Variants in CENPW observed in about 807,000 individuals in gnomAD.
The protein encoded by CENPW is centromere protein W, also known as cancer-up-regulated gene 2 protein.
CENPW carries 3 observed loss-of-function variants against 11.1 expected under a neutral mutation model. The ratio of observed to expected loss-of-function variants is 0.27; its 90% confidence interval spans 0.12 to 0.70. CENPW has a LOEUF of 0.70. Ranked by LOEUF, CENPW falls within the 30% of genes least tolerant of loss-of-function variation. The pLI is 0.77. For synonymous variants in CENPW, 38 were observed against 42.0 expected (o/e 0.91, Z 0.37); for missense variants, 100 against 105.6 (o/e 0.95, Z 0.23).
chr6:126,471,136 C>G, the CENPW span, among the ~76,000 whole-genome samples: 3 of 152,068 alleles, frequency 2.0e-5, no homozygotes, highest in Non-Finnish European at 4.4e-5. Flanking sequence ...GGCTTTGTGT[C>G]CCTACCCAAA....
chr6:126,360,885 C>G, the CENPW span, among the ~76,000 whole-genome samples: 1 of 151,836 alleles, frequency 6.6e-6, no homozygotes, highest in African/African-American at 2.4e-5. Flanking sequence ...GCTTCTTTGC[C>G]ATCCAGATTC....
chr6:126,375,440 G>A, the CENPW span, among the ~76,000 whole-genome samples: 2 of 152,152 alleles, frequency 1.3e-5, no homozygotes, highest in African/African-American at 4.8e-5. Context: ...AGGAGCAGGG[G>A]TCAGAAAGAT....
the CENPW span, among the ~76,000 whole-genome samples, chr6:126,359,089 C>G: frequency 6.6e-6 from 1 of 151,852 alleles, no homozygotes; most frequent in Admixed American, 6.6e-5. Context: ...CCTCTTAACA[C>G]TGCTTTAGCT....
chr6:126,340,186 T>G lies in CENPW; in HGVS notation c.-88T>G. On this transcript the variant is annotated 5_prime_UTR_variant, in exon 1 of 3. Transcript: ENST00000368328. The stretch of plus-strand genomic sequence containing the variant: ...CTGAAGAAGCGTCATACGGACCGGA[T>G]TGTTTTCGCTGGCCCAGTGTCCCCG... 2 of 1,234,214 alleles carry G rather than the reference T, an allele frequency of 1.6e-6. No homozygotes were observed. The highest frequency in any genetic ancestry group is 2.3e-6 in the Non-Finnish European group (2 of 856,438). The allele number at this position is 1,234,214 out of a possible 1,614,324, so 76.5% of individuals were successfully genotyped here.
At chr6:126,358,326 G>A in the CENPW span, among the ~76,000 whole-genome samples, 1 of 152,166 alleles carries the variant, frequency 6.6e-6, no homozygotes, top group South Asian at 2.1e-4. Flanking sequence ...TATTCAGTAT[G>A]ATGTTGGCTA....
the CENPW span, among the ~76,000 whole-genome samples, chr6:126,359,753 T>A: frequency 6.6e-6 from 1 of 151,746 alleles, no homozygotes; most frequent in Non-Finnish European, 1.5e-5. Context: ...TGCTTTTTTC[T>A]TTTCTTTTTT....
the CENPW span, among the ~76,000 whole-genome samples, chr6:126,373,730 T>G: frequency 6.6e-6 from 1 of 152,168 alleles, no homozygotes; most frequent in African/African-American, 2.4e-5. Context: ...CCTGCACCTC[T>G]TACATTATGG....
the CENPW span, among the ~76,000 whole-genome samples, chr6:126,393,048 C>A: frequency 2.0e-5 from 3 of 151,660 alleles, no homozygotes; most frequent in African/African-American, 7.3e-5. Flanking sequence ...GGAATGTGTC[C>A]GTTTCTTTTA....
the CENPW span, among the ~76,000 whole-genome samples, chr6:126,438,391 A>G: frequency 6.6e-6 from 1 of 151,726 alleles, no homozygotes; most frequent in Non-Finnish European, 1.5e-5. Flanking sequence ...GACTAAAAGT[A>G]TAGAAAGGGA....
the CENPW span, among the ~76,000 whole-genome samples, chr6:126,412,092 T>C: frequency 7.8e-6 from 1 of 127,572 alleles, no homozygotes; most frequent in Non-Finnish European, 1.6e-5. Flanking sequence ...TCTCTCTCCT[T>C]CCTTCCTTCC....
chr6:126,364,736 A>G, the CENPW span, among the ~76,000 whole-genome samples: 1 of 152,194 alleles, frequency 6.6e-6, no homozygotes, highest in East Asian at 1.9e-4. Flanking sequence ...TGAAAACTTG[A>G]ATGAAGGAAA....
chr6:126,408,296 C>T, the CENPW span, among the ~76,000 whole-genome samples: 1 of 152,162 alleles, frequency 6.6e-6, no homozygotes, highest in African/African-American at 2.4e-5. Flanking sequence ...CACAATTTCA[C>T]ATGGCTGGGG....
At chr6:126,474,171 T>C in the CENPW span, among the ~76,000 whole-genome samples, 1 of 151,736 alleles carries the variant, frequency 6.6e-6, no homozygotes, top group Non-Finnish European at 1.5e-5. Flanking sequence ...GCTGACATTA[T>C]ACTCAGCGGT....
chr6:126,469,257 G>T, the CENPW span, among the ~76,000 whole-genome samples: 13 of 152,090 alleles, frequency 8.5e-5, no homozygotes, highest in Admixed American at 8.5e-4. Context: ...CAGTGAGGGG[G>T]TTCTCACAAG....
the CENPW span, among the ~76,000 whole-genome samples, chr6:126,459,919 C>CT: frequency 1.0e-3 from 147 of 145,296 alleles, 1 homozygote; most frequent in South Asian, 2.6e-3. Flanking sequence ...TTTTTTCTTC[C>CT]TTTTTTTTTT....
downstream of CENPW, among the ~76,000 whole-genome samples, chr6:126,351,898 G>A (rs566264189): frequency 6.6e-6 from 1 of 152,006 alleles, no homozygotes; most frequent in Non-Finnish European, 1.5e-5. Context: ...ATAGCACCTT[G>A]TGGCTGTAGG....
chr6:126,422,132 G>A, the CENPW span, among the ~76,000 whole-genome samples: 1 of 152,080 alleles, frequency 6.6e-6, no homozygotes, highest in Non-Finnish European at 1.5e-5. Context: ...GTGTACGTGT[G>A]TATGCAAATA....
chr6:126,472,570 C>T, the CENPW span, among the ~76,000 whole-genome samples: 1 of 152,208 alleles, frequency 6.6e-6, no homozygotes, highest in African/African-American at 2.4e-5. Flanking sequence ...TGTTGAGGGA[C>T]ATCTGGATTG....
chr6:126,354,119 ATTT>A, the CENPW span, among the ~76,000 whole-genome samples: 1 of 152,022 alleles, frequency 6.6e-6, no homozygotes, highest in African/African-American at 2.4e-5. Context: ...TTACTAATAA[ATTT>A]TTTATCAAAT....
Sources: gnomAD v4.1 joint callset for allele counts (sites outside exome capture counted in the v4.1 genomes callset) on GRCh38, gnomAD v4.1.1 for gene constraint, MANE v1.5 for transcripts, NCBI Gene and HGNC (gene_info 2026-07-23, HGNC 2026-07-21) for gene names.